Variants in NKAIN3 observed in about 807,000 individuals in gnomAD.
The protein encoded by NKAIN3 is sodium/potassium transporting ATPase interacting 3, also known as sodium/potassium-transporting ATPase subunit beta-1-interacting protein 3.
A neutral mutation model predicts 30.2 loss-of-function variants in NKAIN3; 25 were observed. The observed-to-expected ratio is 0.83, with a 90% CI of 0.60 to 1.16. The LOEUF is 1.16. NKAIN3 is among the 50% of genes most tolerant of loss of function. The pLI, the probability that NKAIN3 is intolerant of heterozygous loss-of-function variation, is 0.00. For missense variants in NKAIN3, 225 were observed against 254.1 expected (o/e 0.89, Z 0.78); for synonymous variants, 91 against 89.6 (o/e 1.02, Z -0.09).
chr8:62,335,540 T>G (rs1015770898), intron 1 of NKAIN3, among the ~76,000 whole-genome samples: 1 of 151,942 alleles, frequency 6.6e-6, no homozygotes, highest in African/African-American at 2.4e-5. Context: ...TATGTAGAGA[T>G]GAGATTCTTT....
At chr8:62,713,401 T>G (rs1468239309) in intron 3 of NKAIN3, among the ~76,000 whole-genome samples, 2 of 152,224 alleles carry the variant, frequency 1.3e-5, no homozygotes, top group East Asian at 3.8e-4. Flanking sequence ...AACAAATTAA[T>G]GAAATTAAAT....
intron 4 of NKAIN3, among the ~76,000 whole-genome samples, chr8:62,845,292 T>TATATATATATA (rs1819650712): frequency 7.4e-6 from 1 of 135,038 alleles, no homozygotes; most frequent in Non-Finnish European, 1.6e-5. Flanking sequence ...AGATTATATA[T>TATATATATATA]ATATATATAT....
At chr8:62,431,328 A>G (rs897773770) in intron 1 of NKAIN3, among the ~76,000 whole-genome samples, 1 of 151,948 alleles carries the variant, frequency 6.6e-6, no homozygotes. Flanking sequence ...AAGACCCAAG[A>G]TGAACATCAT....
At chr8:62,680,845 G>T (rs1305411996) in intron 3 of NKAIN3, among the ~76,000 whole-genome samples, 2 of 151,934 alleles carry the variant, frequency 1.3e-5, no homozygotes, top group Non-Finnish European at 2.9e-5. Flanking sequence ...TTATTTAATT[G>T]TAACCAATTT....
intron 3 of NKAIN3, among the ~76,000 whole-genome samples, chr8:62,618,199 G>A (rs1484616305): frequency 5.9e-5 from 9 of 152,068 alleles, no homozygotes; most frequent in African/African-American, 9.7e-5. Context: ...CATTCATCTC[G>A]TCTGCAGTTG....
chr8:62,458,447 A>C (rs1403263416), intron 1 of NKAIN3, among the ~76,000 whole-genome samples: 2 of 152,182 alleles, frequency 1.3e-5, no homozygotes, highest in Non-Finnish European at 2.9e-5. Flanking sequence ...TTGGGTTTGG[A>C]GGTGATAGAT....
intron 1 of NKAIN3, among the ~76,000 whole-genome samples, chr8:62,548,713 A>G (rs62509474): frequency 0.019 from 2,312 of 121,292 alleles, 27 homozygotes; most frequent in Non-Finnish European, 0.029. Flanking sequence ...TGGATATAAT[A>G]GTGTACTTTT....
At chr8:62,617,926 A>G (rs557798938) in intron 3 of NKAIN3, among the ~76,000 whole-genome samples, 1 of 152,372 alleles carries the variant, frequency 6.6e-6, no homozygotes, top group South Asian at 2.1e-4. Context: ...AGTTGACACC[A>G]GAACTACATA....
intron 4 of NKAIN3, among the ~76,000 whole-genome samples, chr8:62,889,310 C>G (rs2130822990): frequency 6.6e-6 from 1 of 152,072 alleles, no homozygotes; most frequent in East Asian, 1.9e-4. Flanking sequence ...GCGGAGGTTA[C>G]AGTGAGCCGA....
In NKAIN3 at chr8:62,858,066, G is replaced by T. The variant is rs1008006169; in HGVS notation, c.472-60387G>T. Among the ~76,000 whole-genome samples, 234 of 144,964 alleles carry T rather than the reference G, an allele frequency of 1.6e-3. 1 individual carries two copies. The highest frequency in any genetic ancestry group is 1.9e-3 in the Admixed American group (29 of 14,934). On this transcript the variant is annotated intron_variant, in intron 4 of 6. Transcript: ENST00000623646. ...TGTTGTTGTTTTCTGTGTTTTTTTT[G>T]TTGTTGTTGTTTTTCTTTGAACAGT...
intron 1 of NKAIN3, among the ~76,000 whole-genome samples, chr8:62,290,857 C>G (rs12568154): frequency 3.3e-5 from 5 of 152,148 alleles, no homozygotes; most frequent in Admixed American, 6.5e-5. Context: ...AGCTGTGAAT[C>G]CATCTGGTCC....
intron 1 of NKAIN3, among the ~76,000 whole-genome samples, chr8:62,403,126 C>T (rs933702877): frequency 6.6e-5 from 10 of 152,176 alleles, no homozygotes; most frequent in African/African-American, 2.4e-4. Context: ...AAGAGAATGG[C>T]AGCATTTTGC....
rs932886112 is a variant in NKAIN3 at position 62,544,611 on chromosome 8, C to T, written c.55-34928C>T. ...TATATAGCATAAATAATTTAGATTC[C>T]CCTTTCAGCCCTATTATCCCCTAAA... On this transcript the variant is annotated intron_variant, in intron 1 of 6. Coordinates refer to ENST00000623646, the MANE Select transcript of NKAIN3 (RefSeq NM_001304533.3). Among the ~76,000 whole-genome samples, 4 of 151,814 alleles carry T rather than the reference C, an allele frequency of 2.6e-5. No homozygotes were observed. The South Asian group carries it at 8.3e-4, about 32-fold the overall frequency.
chr8:62,858,190 G>A (rs928448510), intron 4 of NKAIN3, among the ~76,000 whole-genome samples: 1 of 152,168 alleles, frequency 6.6e-6, no homozygotes, highest in Non-Finnish European at 1.5e-5. Context: ...CACCACCGAA[G>A]TCTGCGAAAT....
intron 1 of NKAIN3, among the ~76,000 whole-genome samples, chr8:62,575,789 A>G (rs1003472307): frequency 6.6e-6 from 1 of 152,142 alleles, no homozygotes; most frequent in African/African-American, 2.4e-5. Flanking sequence ...GGAACAGCAT[A>G]GAGAATCCAG....
chr8:62,255,677 C>G (rs554915598), intron 1 of NKAIN3, among the ~76,000 whole-genome samples: 2 of 152,120 alleles, frequency 1.3e-5, no homozygotes, highest in Non-Finnish European at 2.9e-5. Context: ...TTTGGACTTA[C>G]GGGTGGCAGA....
Position 62,613,407 on chromosome 8 carries a change from T to C in NKAIN3, c.273+23613T>C, listed in dbSNP as rs141230046. Among the ~76,000 whole-genome samples the C allele has an allele frequency of 1.0e-3, 159 of 152,298 alleles. 1 individual carries two copies. The highest frequency in any genetic ancestry group is 3.4e-3 in the African/African-American group (142 of 41,576). ...GCTGCCAGACGTATTGGAGCTCCTT[T>C]GTATGTTATTCTTTTCTTTTCTCTT... On this transcript the variant is annotated intron_variant, in intron 3 of 6. Transcript: ENST00000623646.
Position 62,950,251 on chromosome 8 carries a change from C to T in NKAIN3, c.533-3651C>T, listed in dbSNP as rs117526802. Among the ~76,000 whole-genome samples the T allele has an allele frequency of 5.8e-3, 876 of 152,218 alleles. 3 individuals are homozygous for T. Among genetic ancestry groups the T allele is most frequent in the Non-Finnish European group, 8.7e-3 (593 of 68,014 alleles). The stretch of plus-strand genomic sequence containing the variant: ...AGCTTTAAGAATCTGTAAACTCGCC[C>T]TCTGTGTACACTTTAATTTGCCCCT... On this transcript the variant is annotated intron_variant, in intron 5 of 6. Transcript: ENST00000623646.
chr8:62,919,681 A>G (rs953288129), intron 5 of NKAIN3, among the ~76,000 whole-genome samples: 11 of 152,236 alleles, frequency 7.2e-5, no homozygotes, highest in Admixed American at 5.2e-4. Flanking sequence ...AAAATGAAGC[A>G]AAGTAGCTAG....
Sources: allele counts gnomAD v4.1 joint callset (sites outside exome capture counted in the v4.1 genomes callset), GRCh38; gene constraint gnomAD v4.1.1; transcripts MANE v1.5; gene names NCBI Gene and HGNC (gene_info 2026-07-23, HGNC 2026-07-21).